The following LARGE1 variants were observed in gnomAD, a reference collection of about 807,000 sequenced individuals.
LARGE1 encodes the protein xylosyl- and glucuronyltransferase LARGE1.
In LARGE1, 43 loss-of-function variants were observed where a neutral mutation model predicts 87.6. The observed-to-expected ratio is 0.49, with a 90% CI of 0.38 to 0.63. LARGE1 has a LOEUF of 0.63. Ranked by LOEUF, LARGE1 falls within the 30% of genes least tolerant of loss-of-function variation. The pLI, the probability that LARGE1 is intolerant of heterozygous loss-of-function variation, is 0.00. For missense variants in LARGE1, 802 were observed against 1,000.2 expected (o/e 0.80, Z 2.67); for synonymous variants, 434 against 394.6 (o/e 1.10, Z -1.18).
chr22:33,106,838 A>G, the LARGE1 span, among the ~76,000 whole-genome samples: 1 of 152,220 alleles, frequency 6.6e-6, no homozygotes, highest in African/African-American at 2.4e-5. Context: ...TTACTTTTGC[A>G]CCAACCAAAT....
Position 33,285,943 on chromosome 22 carries a change from G to C in LARGE1, c.1731-2595C>G, listed in dbSNP as rs75366142. 7.2e-3 allele frequency among the ~76,000 whole-genome samples: 1,092 copies of C among 152,300 alleles called. 15 individuals carry two copies. The highest frequency in any genetic ancestry group is 0.025 in the African/African-American group (1,029 of 41,560). On this transcript the variant is annotated intron_variant, in intron 12 of 14. Coordinates refer to ENST00000397394, the MANE Select transcript of LARGE1 (RefSeq NM_133642.5). ...GATCTCACCAGCTCCCAGTAGAGAG[G>C]GGGTGGTTGGGATGGGCTGGAAGTT...
At chr22:33,855,472 C>A (rs1333586895) in intron 1 of LARGE1, among the ~76,000 whole-genome samples, 1 of 152,196 alleles carries the variant, frequency 6.6e-6, no homozygotes, top group African/African-American at 2.4e-5. Flanking sequence ...CAGAAAGGAT[C>A]AGGCGAGAGA....
In LARGE1 at chr22:33,784,986, TGTGTAC is replaced by T. The variant is rs1327389262; in HGVS notation, c.-82-23434_-82-23429del. Among the ~76,000 whole-genome samples the T allele has an allele frequency of 5.3e-5, 8 of 150,802 alleles. No individual in the cohort carries two copies. The South Asian group carries it at 1.0e-3, about 20-fold the overall frequency. On this transcript the variant is annotated intron_variant, in intron 1 of 14. Coordinates refer to ENST00000397394, the MANE Select transcript of LARGE1 (RefSeq NM_133642.5). Reference sequence around the variant, plus strand: ...GTATATACATGTGTATACATACATATGTGTACGTGTATATACATATATGTGTATACA... The same window carrying T: ...GTATATACATGTGTATACATACATATGTGTATATACATATATGTGTATACA...
chr22:33,718,629 G>C (rs749651579), intron 2 of LARGE1, among the ~76,000 whole-genome samples: 1 of 152,190 alleles, frequency 6.6e-6, no homozygotes, highest in Non-Finnish European at 1.5e-5. Context: ...TTTATGGTGA[G>C]GTGCCTTCCC....
the LARGE1 span, among the ~76,000 whole-genome samples, chr22:33,123,865 C>A: frequency 6.6e-6 from 1 of 152,190 alleles, no homozygotes; most frequent in Non-Finnish European, 1.5e-5. Context: ...GCCTAGGTGA[C>A]CCCCAGCTTG....
At chr22:33,170,977 T>C (rs1056758190) in intron 11 of LARGE1, among the ~76,000 whole-genome samples, 4 of 152,152 alleles carry the variant, frequency 2.6e-5, no homozygotes, top group African/African-American at 7.2e-5. Flanking sequence ...AAAATGCTGA[T>C]AGTGATATGG....
intron 6 of LARGE1, among the ~76,000 whole-genome samples, chr22:33,542,215 C>T (rs1281203560): frequency 6.6e-6 from 1 of 150,874 alleles, no homozygotes. Context: ...GTAACTGCTA[C>T]CAGATCTGTC....
intron 3 of LARGE1, among the ~76,000 whole-genome samples, chr22:33,634,011 C>T (rs374937535): frequency 2.6e-5 from 4 of 152,132 alleles, no homozygotes; most frequent in East Asian, 3.9e-4. Flanking sequence ...TCGCCTCATC[C>T]GTAAAACGGA....
intron 2 of LARGE1, among the ~76,000 whole-genome samples, chr22:33,721,300 A>G (rs1473593286): frequency 6.6e-6 from 1 of 152,204 alleles, no homozygotes; most frequent in African/African-American, 2.4e-5. Context: ...CAAAACACAC[A>G]TTCCTTCTGA....
chr22:33,230,367 C>G (rs1404971101), intron 11 of LARGE1, among the ~76,000 whole-genome samples: 2 of 152,082 alleles, frequency 1.3e-5, no homozygotes, highest in South Asian at 4.1e-4. Context: ...TTTGTGCCAG[C>G]TCTCTTATAT....
At chr22:33,574,351 A>G (rs1427394297) in intron 5 of LARGE1, among the ~76,000 whole-genome samples, 3 of 152,168 alleles carry the variant, frequency 2.0e-5, no homozygotes, top group Non-Finnish European at 4.4e-5. Flanking sequence ...GATTACTTAT[A>G]ACACCTAATA....
At chr22:33,695,565 C>G (rs2082217812) in intron 2 of LARGE1, among the ~76,000 whole-genome samples, 1 of 152,170 alleles carries the variant, frequency 6.6e-6, no homozygotes, top group Non-Finnish European at 1.5e-5. Context: ...TACCAAGACC[C>G]TCTTACCATA....
chr22:33,257,225 C>T (rs990406890), intron 11 of LARGE1, among the ~76,000 whole-genome samples: 5 of 151,576 alleles, frequency 3.3e-5, no homozygotes, highest in African/African-American at 1.2e-4. Context: ...CAAACAACAA[C>T]AACAACAACC....
intron 10 of LARGE1, among the ~76,000 whole-genome samples, chr22:33,316,898 T>C (rs1936221449): frequency 6.6e-6 from 1 of 152,042 alleles, no homozygotes; most frequent in African/African-American, 2.4e-5. Context: ...CCTAGACAAC[T>C]CAGCATAACA....
chr22:33,654,853 T>C (rs1326879994), intron 2 of LARGE1, among the ~76,000 whole-genome samples: 1 of 152,144 alleles, frequency 6.6e-6, no homozygotes, highest in Non-Finnish European at 1.5e-5. Flanking sequence ...AGAACCAGTT[T>C]TTCTCCCTCC....
chr22:33,616,322 C>A (rs1339165559), intron 4 of LARGE1, among the ~76,000 whole-genome samples: 1 of 151,976 alleles, frequency 6.6e-6, no homozygotes, highest in African/African-American at 2.4e-5. Context: ...AGCTGGCCAA[C>A]ATGGCGAAAC....
At chr22:33,459,830 A>C (rs2068299230) in intron 6 of LARGE1, among the ~76,000 whole-genome samples, 1 of 151,760 alleles carries the variant, frequency 6.6e-6, no homozygotes, top group African/African-American at 2.4e-5. Flanking sequence ...TTTACATTAC[A>C]CCGCCAGCCC....
chr22:33,188,627 T>C (rs575315084), intron 11 of LARGE1, among the ~76,000 whole-genome samples: 44 of 152,258 alleles, frequency 2.9e-4, no homozygotes, highest in African/African-American at 9.9e-4. Flanking sequence ...ACTAAAGCCA[T>C]CTGGACTCTA....
At chr22:33,695,294 G>A (rs1293850095) in intron 2 of LARGE1, among the ~76,000 whole-genome samples, 1 of 151,968 alleles carries the variant, frequency 6.6e-6, no homozygotes, top group East Asian at 1.9e-4. Flanking sequence ...AGTAGAGACA[G>A]CGTTTCACCA....
Sources: gnomAD v4.1 joint callset for allele counts (sites outside exome capture counted in the v4.1 genomes callset) on GRCh38, gnomAD v4.1.1 for gene constraint, MANE v1.5 for transcripts, NCBI Gene and HGNC (gene_info 2026-07-23, HGNC 2026-07-21) for gene names.